The following PIK3CB variants were observed in gnomAD, a reference collection of about 807,000 sequenced individuals.
The protein encoded by PIK3CB is phosphatidylinositol 4,5-bisphosphate 3-kinase catalytic subunit beta isoform.
PIK3CB carries 39 observed loss-of-function variants against 136.8 expected under a neutral mutation model. The ratio of observed to expected loss-of-function variants is 0.29; its 90% confidence interval spans 0.22 to 0.37. PIK3CB has a LOEUF of 0.37. PIK3CB is among the 10% of genes least tolerant of loss of function. The pLI is 1.00. For missense variants in PIK3CB, 868 were observed against 1,275.4 expected, an observed-to-expected ratio of 0.68 and a Z score of 4.87; for synonymous variants, 428 against 436.6, an observed-to-expected ratio of 0.98 and a Z score of 0.25.
At chr3:138,776,922 CAAAAAAA>C (rs11435742) in intron 2 of PIK3CB, among the ~76,000 whole-genome samples, 2 of 57,406 alleles carry the variant, frequency 3.5e-5, no homozygotes, top group Non-Finnish European at 7.2e-5. Flanking sequence ...GACTCTACCT[CAAAAAAA>C]AAAAAAAAAA....
At chr3:138,755,637 G>A in intron 4 of PIK3CB, 117 bp downstream of exon 4, 1 of 563,448 alleles carries the variant, frequency 1.8e-6, no homozygotes, top group East Asian at 2.9e-5. Context: ...ACAATTTACA[G>A]ATCAGCAGTG....
intron 15 of PIK3CB, among the ~76,000 whole-genome samples, chr3:138,690,253 A>C (rs1032871420): frequency 6.6e-6 from 1 of 152,004 alleles, no homozygotes; most frequent in East Asian, 1.9e-4. Context: ...AAAAGAAGAA[A>C]AAGAAAAGAA....
chr3:138,661,465 G>GT (rs2043294726), intron 21 of PIK3CB, among the ~76,000 whole-genome samples: 1 of 152,108 alleles, frequency 6.6e-6, no homozygotes, highest in African/African-American at 2.4e-5. Flanking sequence ...CCGAAGTCTG[G>GT]TAATAGGTTT....
At chr3:138,792,417 C>T (rs550767673) in intron 2 of PIK3CB, among the ~76,000 whole-genome samples, 123 of 152,114 alleles carry the variant, frequency 8.1e-4, no homozygotes, top group Non-Finnish European at 1.5e-3. Context: ...CTCTGTTGCC[C>T]GGCTGAAGTG....
intron 1 of PIK3CB, among the ~76,000 whole-genome samples, chr3:138,824,062 G>A (rs554293737): frequency 9.2e-5 from 14 of 152,194 alleles, no homozygotes; most frequent in African/African-American, 3.4e-4. Flanking sequence ...AGTGGCAGGA[G>A]AAGAAGATAA....
intron 2 of PIK3CB, chr3:138,770,127 A>G (rs2045781918): frequency 1.3e-5 from 2 of 152,250 alleles, no homozygotes; most frequent in South Asian, 4.1e-4. Context: ...GCTAAGGACA[A>G]GCAGAGTTTT....
At chr3:138,666,094 G>A (rs1312550346) in intron 19 of PIK3CB, among the ~76,000 whole-genome samples, 1 of 152,138 alleles carries the variant, frequency 6.6e-6, no homozygotes, top group Non-Finnish European at 1.5e-5. Context: ...TAAATGTTTT[G>A]CTCAATTAAT....
intron 2 of PIK3CB, among the ~76,000 whole-genome samples, chr3:138,762,502 A>G (rs993382665): frequency 2.6e-5 from 4 of 152,218 alleles, no homozygotes; most frequent in Non-Finnish European, 5.9e-5. Flanking sequence ...GAACAAAACT[A>G]CACAGTCACT....
chr3:138,795,885 CCTAA>C (rs1056647590), intron 2 of PIK3CB, among the ~76,000 whole-genome samples: 4 of 152,134 alleles, frequency 2.6e-5, no homozygotes, highest in Non-Finnish European at 4.4e-5. Context: ...TCAATGAATT[CCTAA>C]CTGTCAAATC....
At position 138,705,172 on chromosome 3, in the gene PIK3CB, AACAAAAAACAAAACAAAC is replaced by A. The variant is rs1442324077; in HGVS notation, c.1531-697_1531-680del. ...TAGAAAGGCAAAAAAAAAAAAAAAAAACAAAAAACAAAACAAACAAAAAAAAAAACTTATATTTGCAAA... is the reference window on the plus strand; with the variant it reads ...TAGAAAGGCAAAAAAAAAAAAAAAAAAAAAAAAAAAACTTATATTTGCAAA... On this transcript the variant is annotated intron_variant, in intron 11 of 23. Transcript: ENST00000674063. Among the ~76,000 whole-genome samples, 309 of 87,446 alleles carry A rather than the reference AACAAAAAACAAAACAAAC, an allele frequency of 3.5e-3. 62 individuals are homozygous for A. Among genetic ancestry groups the A allele is most frequent in the African/African-American group, 0.012 (217 of 17,528 alleles). 57.4% of individuals were successfully genotyped at this position (87,446 alleles called of 152,430 possible).
intron 19 of PIK3CB, among the ~76,000 whole-genome samples, chr3:138,678,263 G>A (rs531121496): frequency 6.6e-5 from 10 of 152,208 alleles, no homozygotes; most frequent in Non-Finnish European, 1.3e-4. Flanking sequence ...GGAGTTTGTG[G>A]CTGCAGTGAG....
Position 138,813,910 on chromosome 3 carries a change from A to G in PIK3CB, c.-121-17343T>C, listed in dbSNP as rs181975093. Among the ~76,000 whole-genome samples the G allele has an allele frequency of 3.0e-3, 456 of 152,276 alleles. 1 individual carries two copies. Among genetic ancestry groups the G allele is most frequent in the Middle Eastern group, 0.01 (3 of 294 alleles). On this transcript the variant is annotated intron_variant, in intron 1 of 23. Coordinates refer to ENST00000674063, the MANE Select transcript of PIK3CB (RefSeq NM_006219.3). ...AAGATACACAAGTGGGGCCCTTACCACAACCTAAATGGTTTGAAGGAGGAA... is the reference window on the plus strand; with the variant it reads ...AAGATACACAAGTGGGGCCCTTACCGCAACCTAAATGGTTTGAAGGAGGAA...
At chr3:138,715,166 A>G (rs1388364308) in intron 8 of PIK3CB, among the ~76,000 whole-genome samples, 1 of 152,200 alleles carries the variant, frequency 6.6e-6, no homozygotes, top group East Asian at 1.9e-4. Flanking sequence ...GTTTCTTTCT[A>G]CTTCTAAATA....
At chr3:138,704,619 G>C (rs564936902) in intron 11 of PIK3CB, 126 bp from the exon 12 acceptor site, 34 of 683,504 alleles carry the variant, frequency 5.0e-5, no homozygotes, top group Non-Finnish European at 8.5e-5. Flanking sequence ...ACAGAAACAT[G>C]AATTTTAAAA....
intron 19 of PIK3CB, among the ~76,000 whole-genome samples, chr3:138,669,905 C>G (rs937477236): frequency 6.6e-6 from 1 of 151,744 alleles, no homozygotes; most frequent in Non-Finnish European, 1.5e-5. Flanking sequence ...CATTGGAGCA[C>G]ATATATTTAT....
intron 21 of PIK3CB, among the ~76,000 whole-genome samples, chr3:138,658,656 T>C (rs916727082): frequency 1.4e-4 from 21 of 152,244 alleles, no homozygotes; most frequent in African/African-American, 4.8e-4. Context: ...GATTTAGTAC[T>C]TTTATGCTAA....
chr3:138,670,885 A>G (rs1396084298), intron 19 of PIK3CB, among the ~76,000 whole-genome samples: 1 of 152,184 alleles, frequency 6.6e-6, no homozygotes, highest in East Asian at 1.9e-4. Flanking sequence ...ACAATCCCAA[A>G]TTGCTCTTTC....
At chr3:138,754,248 G>A (rs796973366) in intron 4 of PIK3CB, among the ~76,000 whole-genome samples, 13 of 152,092 alleles carry the variant, frequency 8.5e-5, no homozygotes, top group African/African-American at 2.9e-4. Flanking sequence ...ACCAGCCTGG[G>A]CAACACCCTG....
intron 19 of PIK3CB, among the ~76,000 whole-genome samples, chr3:138,672,615 A>G (rs928551229): frequency 6.6e-6 from 1 of 152,242 alleles, no homozygotes; most frequent in African/African-American, 2.4e-5. Context: ...ACAATCTGAA[A>G]GAGACTTTAG....
Sources: gnomAD v4.1 joint callset for allele counts (sites outside exome capture counted in the v4.1 genomes callset) on GRCh38, gnomAD v4.1.1 for gene constraint, MANE v1.5 for transcripts, NCBI Gene and HGNC (gene_info 2026-07-23, HGNC 2026-07-21) for gene names.